Variants in SGMS1 observed in about 807,000 individuals in gnomAD.
SGMS1 encodes the protein sphingomyelin synthase 1, also known as phosphatidylcholine:ceramide cholinephosphotransferase 1.
A neutral mutation model predicts 46.2 loss-of-function variants in SGMS1; 13 were observed. The observed-to-expected ratio is 0.28, with a 90% CI of 0.18 to 0.45. SGMS1 has a LOEUF of 0.45. SGMS1 is among the 20% of genes least tolerant of loss of function. The pLI, the probability that SGMS1 is intolerant of heterozygous loss-of-function variation, is 1.00. For synonymous variants in SGMS1, 203 were observed against 187.8 expected, an observed-to-expected ratio of 1.08 and a Z score of -0.66; for missense variants, 324 against 519.9, an observed-to-expected ratio of 0.62 and a Z score of 3.66.
intron 8 of SGMS1, among the ~76,000 whole-genome samples, chr10:50,322,861 AAAG>A (rs1166600025): frequency 4.0e-5 from 6 of 151,040 alleles, no homozygotes; most frequent in African/African-American, 1.5e-4. Context: ...AAAAAAAAAA[AAAG>A]ATGAGAAGAG....
intron 3 of SGMS1, among the ~76,000 whole-genome samples, chr10:50,473,701 T>C (rs1288041196): frequency 6.6e-6 from 1 of 152,216 alleles, no homozygotes; most frequent in Non-Finnish European, 1.5e-5. Context: ...ACCAGATTTG[T>C]AGTAGACATA....
At chr10:50,310,404 T>C (rs985558638) in intron 9 of SGMS1, among the ~76,000 whole-genome samples, 1 of 152,242 alleles carries the variant, frequency 6.6e-6, no homozygotes, top group Non-Finnish European at 1.5e-5. Flanking sequence ...GTAGTTCATT[T>C]CTAGCACTGT....
chr10:50,312,042 A>G (rs1847262966), intron 8 of SGMS1, among the ~76,000 whole-genome samples: 1 of 152,244 alleles, frequency 6.6e-6, no homozygotes. Flanking sequence ...CACCGGAGTA[A>G]TAAATAGCTT....
intron 6 of SGMS1, among the ~76,000 whole-genome samples, chr10:50,382,188 A>G (rs769899196): frequency 2.0e-5 from 3 of 152,188 alleles, no homozygotes; most frequent in Admixed American, 6.5e-5. Context: ...CTGACCTGTG[A>G]GTTTCAGTTG....
chr10:50,513,462 AT>A (rs1207777469), intron 3 of SGMS1, among the ~76,000 whole-genome samples: 1 of 152,038 alleles, frequency 6.6e-6, no homozygotes, highest in Non-Finnish European at 1.5e-5. Flanking sequence ...CTCCACCCCC[AT>A]CCCAAGCCAA....
intron 2 of SGMS1, among the ~76,000 whole-genome samples, chr10:50,550,141 C>T (rs1001145434): frequency 5.9e-5 from 9 of 152,212 alleles, no homozygotes; most frequent in African/African-American, 1.9e-4. Context: ...GGAGACTGCA[C>T]ACATTAGTAA....
upstream of SGMS1, chr10:50,624,537 G>C (rs1183031567): frequency 1.1e-5 from 11 of 959,500 alleles, no homozygotes; most frequent in Non-Finnish European, 1.1e-5. Flanking sequence ...CGACGGAGGC[G>C]CAAGAGCTCT....
intron 6 of SGMS1, among the ~76,000 whole-genome samples, chr10:50,345,462 TACTA>T (rs1318890403): frequency 6.6e-6 from 1 of 152,166 alleles, no homozygotes; most frequent in African/African-American, 2.4e-5. Context: ...TAAAATATTT[TACTA>T]ACTATGTGAA....
intron 2 of SGMS1, among the ~76,000 whole-genome samples, chr10:50,567,133 G>A (rs1043259406): frequency 5.9e-5 from 9 of 152,180 alleles, no homozygotes; most frequent in African/African-American, 2.2e-4. Flanking sequence ...TTTTACTAGA[G>A]ACGGGGTTTC....
intron 2 of SGMS1, among the ~76,000 whole-genome samples, chr10:50,575,203 G>T (rs1440270230): frequency 6.6e-6 from 1 of 151,902 alleles, no homozygotes; most frequent in African/African-American, 2.4e-5. Context: ...GTACAACATA[G>T]TGTACAATAT....
chr10:50,519,234 A>T (rs1837836411), intron 3 of SGMS1, among the ~76,000 whole-genome samples: 1 of 152,216 alleles, frequency 6.6e-6, no homozygotes, highest in Non-Finnish European at 1.5e-5. Flanking sequence ...TAGAACATAG[A>T]AACAGACATA....
intron 6 of SGMS1, among the ~76,000 whole-genome samples, chr10:50,356,577 A>T (rs1046106856): frequency 2.0e-5 from 3 of 151,886 alleles, no homozygotes; most frequent in Admixed American, 6.6e-5. Flanking sequence ...TAAAAAAATT[A>T]AAAAAAAATT....
chr10:50,440,353 A>C (rs1268657422), intron 5 of SGMS1, among the ~76,000 whole-genome samples: 2 of 151,828 alleles, frequency 1.3e-5, no homozygotes, highest in Non-Finnish European at 2.9e-5. Flanking sequence ...CTCAGTACCA[A>C]GAATAAATAT....
chr10:50,328,176 T>C, intron 7 of SGMS1: 1 of 276,852 alleles, frequency 3.6e-6, no homozygotes. Flanking sequence ...AATATAAAAA[T>C]TCCATGTAAG....
intron 6 of SGMS1, among the ~76,000 whole-genome samples, chr10:50,402,142 A>T (rs1441611922): frequency 6.6e-6 from 1 of 152,228 alleles, no homozygotes; most frequent in African/African-American, 2.4e-5. Flanking sequence ...TAATGGCATC[A>T]TCCATCAATT....
Position 50,445,656 on chromosome 10 carries a change from G to A in SGMS1, c.-312-12100C>T, listed in dbSNP as rs536289091. Among the ~76,000 whole-genome samples the A allele has an allele frequency of 9.2e-5, 14 of 152,152 alleles. No individual in the cohort carries two copies. The South Asian group carries it at 1.9e-3, about 20-fold the overall frequency. ...TTAATCTCTTAATCCCGTCATCTTC[G>A]TAAACTGAGGATGAATGTCACCTCA... On this transcript the variant is annotated intron_variant, in intron 5 of 10. Transcript: ENST00000361781.
intron 3 of SGMS1, among the ~76,000 whole-genome samples, chr10:50,483,369 C>T (rs963733574): frequency 7.9e-5 from 12 of 152,156 alleles, no homozygotes; most frequent in Admixed American, 2.0e-4. Context: ...CATGAGCCAG[C>T]GTGCCTGGCC....
chr10:50,319,433 T>C lies in SGMS1; in HGVS notation c.741+7772A>G, dbSNP rs1847404425. 2.0e-5 allele frequency among the ~76,000 whole-genome samples: 3 copies of C among 152,198 alleles called. No individual in the cohort carries two copies. The South Asian group carries it at 6.2e-4, about 32-fold the overall frequency. On this transcript the variant is annotated intron_variant, in intron 8 of 10. Transcript: ENST00000361781. ...ATTTAACAATTATATAATACTACCA[T>C]ACTTAAAAAACAGTCCATATTCAAA... is the stretch of plus-strand genomic sequence containing the variant.
chr10:50,369,349 T>C (rs1392507831), intron 6 of SGMS1, among the ~76,000 whole-genome samples: 1 of 152,020 alleles, frequency 6.6e-6, no homozygotes, highest in Non-Finnish European at 1.5e-5. Context: ...AATTTAAAAA[T>C]TGGCCCAGTG....
Sources: gnomAD v4.1 joint callset for allele counts (sites outside exome capture counted in the v4.1 genomes callset) on GRCh38, gnomAD v4.1.1 for gene constraint, MANE v1.5 for transcripts, NCBI Gene and HGNC (gene_info 2026-07-23, HGNC 2026-07-21) for gene names.